The following NWD2 variants were observed in gnomAD, a reference collection of about 807,000 sequenced individuals.
NWD2 encodes NACHT and WD repeat domain-containing protein 2.
A neutral mutation model predicts 132.7 loss-of-function variants in NWD2; 37 were observed. The ratio of observed to expected loss-of-function variants is 0.28; its 90% CI spans 0.21 to 0.37. NWD2 has a LOEUF of 0.37. NWD2 is among the 10% of genes least tolerant of loss of function. The pLI is 1.00. For synonymous variants in NWD2, 705 were observed against 803.0 expected, an observed-to-expected ratio of 0.88 and a Z score of 2.06; for missense variants, 1,592 against 2,122.4, an observed-to-expected ratio of 0.75 and a Z score of 4.91.
chr4:37,448,645 C>T lies in NWD2; in HGVS notation c.*1428C>T, dbSNP rs1712706277. 6.6e-6 allele frequency: 1 copy of T among 152,164 alleles called. No individual in the cohort carries two copies. The highest frequency in any genetic ancestry group is 2.1e-4 in the South Asian group (1 of 4,828). The allele number at this position is 152,164 out of a possible 1,614,324, so 9.4% of individuals were successfully genotyped here. On this transcript the variant is annotated 3_prime_UTR_variant, in exon 7 of 7. Coordinates refer to ENST00000309447, the MANE Select transcript of NWD2 (RefSeq NM_001144990.2). ...TAGAAAGTAGAGAAGTAACACTTTA[C>T]TAGAATAATGAACAAGGAATTGATT... is the stretch of plus-strand genomic sequence containing the variant.
At chr4:37,378,261 T>C (rs1242863153) in intron 3 of NWD2, among the ~76,000 whole-genome samples, 1 of 110,778 alleles carries the variant, frequency 9.0e-6, no homozygotes, top group Non-Finnish European at 1.8e-5. Flanking sequence ...TATTCTGCTC[T>C]CCTATATTGA....
chr4:37,266,883 G>A (rs1395323921), intron 1 of NWD2, among the ~76,000 whole-genome samples: 1 of 151,924 alleles, frequency 6.6e-6, no homozygotes, highest in East Asian at 1.9e-4. Context: ...GTTGAATTGG[G>A]GTGAAAATAA....
intron 3 of NWD2, among the ~76,000 whole-genome samples, chr4:37,394,780 T>C (rs984770875): frequency 4.1e-5 from 6 of 147,914 alleles, no homozygotes; most frequent in Admixed American, 6.8e-5. Context: ...CCTATTTTCC[T>C]CTATAGTGAA....
chr4:37,285,025 G>A (rs140220108), intron 1 of NWD2, among the ~76,000 whole-genome samples: 222 of 152,222 alleles, frequency 1.5e-3, no homozygotes, highest in Non-Finnish European at 2.2e-3. Flanking sequence ...AGTACAGGTA[G>A]GGATGAGTTT....
At chr4:37,377,936 AT>A (rs1200161489) in intron 3 of NWD2, among the ~76,000 whole-genome samples, 2 of 152,292 alleles carry the variant, frequency 1.3e-5, no homozygotes, top group East Asian at 3.9e-4. Flanking sequence ...GAAGTGATGG[AT>A]TTTTTTAATT....
intron 5 of NWD2, among the ~76,000 whole-genome samples, chr4:37,437,178 C>A (rs1440989958): frequency 1.3e-5 from 2 of 151,838 alleles, no homozygotes; most frequent in Non-Finnish European, 2.9e-5. Context: ...TAATTTTTTT[C>A]AATTTATGGC....
chr4:37,318,071 C>T (rs1364682463), intron 1 of NWD2, among the ~76,000 whole-genome samples: 4 of 141,772 alleles, frequency 2.8e-5, no homozygotes. Context: ...TGTCACCCAA[C>T]CTGTAGTGCA....
intron 1 of NWD2, among the ~76,000 whole-genome samples, chr4:37,296,809 C>CA (rs1316949723): frequency 6.6e-6 from 1 of 151,880 alleles, no homozygotes; most frequent in Non-Finnish European, 1.5e-5. Context: ...ACCCATGTAA[C>CA]AAAAAACCAC....
intron 2 of NWD2, among the ~76,000 whole-genome samples, chr4:37,340,344 T>C (rs1284743656): frequency 1.3e-5 from 2 of 152,170 alleles, no homozygotes; most frequent in South Asian, 2.1e-4. Context: ...TACCTCCTCA[T>C]TGGCATCTAC....
chr4:37,347,110 T>A (rs371948585), intron 2 of NWD2, among the ~76,000 whole-genome samples: 1 of 152,104 alleles, frequency 6.6e-6, no homozygotes, highest in Non-Finnish European at 1.5e-5. Context: ...TTTCCACAAA[T>A]TTGTAAATTT....
chr4:37,427,094 A>T (rs1230177267), intron 3 of NWD2, among the ~76,000 whole-genome samples: 1 of 151,472 alleles, frequency 6.6e-6, no homozygotes, highest in African/African-American at 2.4e-5. Flanking sequence ...GAGTGTTGTC[A>T]ATTACTAAAT....
Position 37,445,375 on chromosome 4 carries a change from T to C in NWD2, c.3387T>C (p.Ser1129=). Residue 1129 remains serine (S), a synonymous_variant, in exon 7 of 7, where the codon AGT becomes AGC. Transcript: ENST00000309447. The surrounding 1 kb of genome is among the most constrained non-coding windows in gnomAD (Gnocchi z 4.7). ...CAACCACCATATTTCATTTAGGGAG[T>C]GGAGAAAAGTTATGTACAGTGACAT... The part of the protein sequence containing the change: ...LNTTTIFHLG[S]GEKLCTVTSE... The C allele has an allele frequency of 6.4e-7, 1 of 1,552,036 alleles. No homozygotes were observed.
At chr4:37,435,587 T>A (rs1712300156) in intron 5 of NWD2, among the ~76,000 whole-genome samples, 1 of 152,164 alleles carries the variant, frequency 6.6e-6, no homozygotes, top group African/African-American at 2.4e-5. Flanking sequence ...TAGAAAAAAG[T>A]ACCTGGAGTG....
At chr4:37,306,326 A>T (rs1331805251) in intron 1 of NWD2, among the ~76,000 whole-genome samples, 1 of 151,832 alleles carries the variant, frequency 6.6e-6, no homozygotes, top group Non-Finnish European at 1.5e-5. Flanking sequence ...TGTTTCATTT[A>T]GTTCTGATCT....
At chr4:37,354,712 C>T (rs1719835795) in intron 2 of NWD2, among the ~76,000 whole-genome samples, 1 of 152,196 alleles carries the variant, frequency 6.6e-6, no homozygotes, top group South Asian at 2.1e-4. Context: ...GCTCTGGGAA[C>T]ATCCTTCCCA....
intron 1 of NWD2, among the ~76,000 whole-genome samples, chr4:37,281,234 C>T (rs188837403): frequency 2.0e-4 from 30 of 152,256 alleles, no homozygotes; most frequent in Non-Finnish European, 2.9e-4. Context: ...GATCTCATCA[C>T]CTCTCTGGTA....
intron 1 of NWD2, among the ~76,000 whole-genome samples, chr4:37,296,526 T>C (rs192713033): frequency 1.5e-4 from 23 of 152,170 alleles, no homozygotes; most frequent in African/African-American, 4.1e-4. Context: ...AATAACGAAA[T>C]AATGTCTTTT....
At position 37,303,896 on chromosome 4, in the gene NWD2, A is replaced by G. The variant is rs146582795; in HGVS notation, c.152-22040A>G. 1.9e-3 allele frequency among the ~76,000 whole-genome samples: 290 copies of G among 152,256 alleles called. 1 individual carries two copies. Among genetic ancestry groups the G allele is most frequent in the African/African-American group, 6.5e-3 (269 of 41,552 alleles). On this transcript the variant is annotated intron_variant, in intron 1 of 6. Coordinates refer to ENST00000309447, the MANE Select transcript of NWD2 (RefSeq NM_001144990.2). ...GTTATCTGCAAACAGGGACAGTTTC[A>G]TTTCTTACTTTCCAATGTGCATGCC... is the stretch of plus-strand genomic sequence containing the variant.
At chr4:37,331,961 G>A (rs1311068392) in intron 2 of NWD2, among the ~76,000 whole-genome samples, 3 of 152,202 alleles carry the variant, frequency 2.0e-5, no homozygotes, top group African/African-American at 7.2e-5. Context: ...GCAGAAATGA[G>A]CCAGTGCCCA....
Sources: allele counts gnomAD v4.1 joint callset (sites outside exome capture counted in the v4.1 genomes callset), GRCh38; gene constraint gnomAD v4.1.1; non-coding constraint Gnocchi (gnomAD v3.1); transcripts MANE v1.5; gene names NCBI Gene and HGNC (gene_info 2026-07-23, HGNC 2026-07-21).